The following ATRN variants were observed in gnomAD, a reference collection of about 807,000 sequenced individuals.
The protein encoded by ATRN is attractin.
In ATRN, 54 loss-of-function variants were observed where a neutral mutation model predicts 178.7. The ratio of observed to expected loss-of-function variants is 0.30; its 90% confidence interval spans 0.24 to 0.38. The LOEUF (loss-of-function observed/expected upper bound fraction) is 0.38, where lower values mean the gene tolerates loss of function less well. Among genes scored for constraint, ATRN ranks in the 10% least tolerant of loss-of-function variants. ATRN has a pLI of 1.00. For synonymous variants in ATRN, 636 were observed against 663.0 expected, an observed-to-expected ratio of 0.96 and a Z score of 0.63; for missense variants, 1,443 against 1,815.1, an observed-to-expected ratio of 0.79 and a Z score of 3.73.
intron 6 of ATRN, among the ~76,000 whole-genome samples, chr20:3,556,769 C>G (rs1238937236): frequency 6.6e-6 from 1 of 152,038 alleles, no homozygotes; most frequent in Non-Finnish European, 1.5e-5. Context: ...TTTATTGCAT[C>G]AGTATCGTTC....
At chr20:3,546,365 T>C (rs1481277467) in intron 4 of ATRN, among the ~76,000 whole-genome samples, 1 of 151,908 alleles carries the variant, frequency 6.6e-6, no homozygotes. Context: ...ATTATATTAT[T>C]ATGAGATGCG....
chr20:3,506,057 G>T (rs1335787001), intron 1 of ATRN, among the ~76,000 whole-genome samples: 1 of 151,802 alleles, frequency 6.6e-6, no homozygotes, highest in Non-Finnish European at 1.5e-5. Context: ...TTGACACACT[G>T]ACACATACAC....
At chr20:3,611,320 ACT>A (rs762475090) in intron 24 of ATRN, among the ~76,000 whole-genome samples, 23 of 152,176 alleles carry the variant, frequency 1.5e-4, no homozygotes, top group Non-Finnish European at 2.8e-4. Context: ...GAATATAATA[ACT>A]CTCAAAACTC....
intron 1 of ATRN, among the ~76,000 whole-genome samples, chr20:3,477,052 A>C: frequency 6.7e-6 from 1 of 148,626 alleles, no homozygotes; most frequent in Non-Finnish European, 1.5e-5. Flanking sequence ...CATAGTTCAC[A>C]AGTCCAGTTT....
Position 3,534,833 on chromosome 20 carries a change from G to T in ATRN, c.411-420G>T, listed in dbSNP as rs2085502052. ...AAATTTAAGAAATTTATCGCTGGGT[G>T]TGAGGGCTCAAGCCTGTAATTCTGG... On this transcript the variant is annotated intron_variant, in intron 1 of 28. Transcript: ENST00000262919. Among the ~76,000 whole-genome samples the T allele has an allele frequency of 6.6e-5, 10 of 152,162 alleles. No homozygotes were observed. In the South Asian group the frequency reaches 2.1e-3, roughly 32 times the overall value.
chr20:3,617,489 G>T (rs935109028), intron 24 of ATRN, among the ~76,000 whole-genome samples: 2 of 152,066 alleles, frequency 1.3e-5, no homozygotes, highest in East Asian at 3.9e-4. Flanking sequence ...TCATTATAGT[G>T]CTCTTTCTAC....
Position 3,562,426 on chromosome 20 carries a change from A to G in ATRN, c.1598A>G (p.Asp533Gly). 6.2e-7 allele frequency: 1 copy of G among 1,614,162 alleles called. No homozygotes were observed. Residue 533 changes from aspartate (D) to glycine (G), a missense_variant, in exon 9 of 29, where the codon GAT (aspartate) becomes GGT (glycine). Physicochemically the swap from Asp to Gly is moderately conservative, Grantham distance 94. Transcript: ENST00000262919. ...FSANKYRLAD[D>G]LYRYDVDTQM... The stretch of plus-strand genomic sequence containing the variant: ...GCCAATAAGTACCGGCTTGCAGATG[A>G]TCTCTACCGATATGATGTGGATACC...
intron 3 of ATRN, among the ~76,000 whole-genome samples, chr20:3,542,381 C>T (rs1600090964): frequency 6.6e-6 from 1 of 152,016 alleles, no homozygotes; most frequent in Admixed American, 6.6e-5. Flanking sequence ...CTGTGGTTCA[C>T]CTGGACTGTG....
intron 1 of ATRN, among the ~76,000 whole-genome samples, chr20:3,510,081 TAA>T (rs560147883): frequency 1.1e-3 from 174 of 152,340 alleles, no homozygotes; most frequent in African/African-American, 3.9e-3. Flanking sequence ...GTGATAGTCT[TAA>T]GAGTCTTAAG....
chr20:3,598,375 G>T (rs1235908230), intron 22 of ATRN, among the ~76,000 whole-genome samples: 1 of 152,138 alleles, frequency 6.6e-6, no homozygotes, highest in Non-Finnish European at 1.5e-5. Context: ...TGAAATGCCA[G>T]TGATGCAGCC....
At chr20:3,548,612 A>G (rs2085742435) in intron 5 of ATRN, among the ~76,000 whole-genome samples, 1 of 152,046 alleles carries the variant, frequency 6.6e-6, no homozygotes, top group Non-Finnish European at 1.5e-5. Flanking sequence ...AAAAAAAAAA[A>G]AAAAAAAAGA....
intron 3 of ATRN, among the ~76,000 whole-genome samples, chr20:3,543,360 A>C (rs1283478733): frequency 6.6e-6 from 1 of 152,204 alleles, no homozygotes; most frequent in Non-Finnish European, 1.5e-5. Context: ...CATAGTAGAA[A>C]ATGCATCACT....
chr20:3,600,264 G>A (rs916204647), intron 22 of ATRN, among the ~76,000 whole-genome samples: 32 of 152,106 alleles, frequency 2.1e-4, no homozygotes, highest in Non-Finnish European at 3.2e-4. Context: ...AATAAATTAA[G>A]TTAGATTAGC....
In ATRN at chr20:3,576,861, C is replaced by A. The variant is rs757332182; in HGVS notation, c.2217C>A (p.Ile739=). The A allele has an allele frequency of 1.9e-6, 3 of 1,613,884 alleles. No individual in the cohort carries two copies. The highest frequency in any genetic ancestry group is 1.3e-5 in the African/African-American group (1 of 74,912). The change falls in exon 14 of 29, where the codon ATC becomes ATA. Residue 739 remains isoleucine (I), a splice_region_variant and synonymous_variant. Transcript: ENST00000262919. ...PRNHSCSEGQ[I]SIFRYENCPK... ...AGCTTTTGTCCACTGTGTTCTAGAT[C>A]TCCATTTTTAGGTATGAGAATTGCC...
At chr20:3,626,099 G>A (rs1253828747) in intron 25 of ATRN, among the ~76,000 whole-genome samples, 4 of 152,064 alleles carry the variant, frequency 2.6e-5, no homozygotes, top group African/African-American at 2.4e-5. Context: ...GGGTGAGGTG[G>A]CGCAAGCCTG....
At chr20:3,554,371 T>C (rs902331162) in intron 6 of ATRN, among the ~76,000 whole-genome samples, 6 of 150,340 alleles carry the variant, frequency 4.0e-5, no homozygotes, top group African/African-American at 1.5e-4. Context: ...AGTCTCGCTC[T>C]GTCGCCCAGG....
At chr20:3,501,380 C>T (rs759530951) in intron 1 of ATRN, among the ~76,000 whole-genome samples, 12 of 152,128 alleles carry the variant, frequency 7.9e-5, no homozygotes, top group Non-Finnish European at 1.5e-4. Context: ...CTTCTAATGC[C>T]AGACTCTGTT....
chr20:3,531,137 GCC>G (rs2085448335), intron 1 of ATRN, among the ~76,000 whole-genome samples: 1 of 152,062 alleles, frequency 6.6e-6, no homozygotes, highest in Non-Finnish European at 1.5e-5. Context: ...GATATTCCTG[GCC>G]TTTCTCTTTC....
At chr20:3,600,407 T>C (rs934303406) in intron 22 of ATRN, among the ~76,000 whole-genome samples, 1 of 152,192 alleles carries the variant, frequency 6.6e-6, no homozygotes, top group Admixed American at 6.5e-5. Context: ...ATAATAAAAT[T>C]ATTTTTTAAA....
Sources: gnomAD v4.1 joint callset for allele counts (sites outside exome capture counted in the v4.1 genomes callset) on GRCh38, gnomAD v4.1.1 for gene constraint, MANE v1.5 for transcripts, NCBI Gene and HGNC (gene_info 2026-07-23, HGNC 2026-07-21) for gene names.